The following TXNDC5 variants were observed in gnomAD, a reference collection of about 807,000 sequenced individuals.
TXNDC5 encodes thioredoxin domain-containing protein 5.
In TXNDC5, 44 loss-of-function variants were observed where a neutral mutation model predicts 52.6. That is an observed-to-expected ratio of 0.84 (90% CI 0.66 to 1.08). The LOEUF (loss-of-function observed/expected upper bound fraction) is 1.08, where lower values mean the gene tolerates loss of function less well. Among genes scored for constraint, TXNDC5 ranks in the 50% least tolerant of loss-of-function variants. The pLI is 0.00. For missense variants in TXNDC5, 600 were observed against 565.5 expected, an observed-to-expected ratio of 1.06 and a Z score of -0.62; for synonymous variants, 241 against 234.4, an observed-to-expected ratio of 1.03 and a Z score of -0.26.
chr6:7,907,912 C>T (rs1760788417), intron 1 of TXNDC5, among the ~76,000 whole-genome samples: 1 of 152,158 alleles, frequency 6.6e-6, no homozygotes, highest in African/African-American at 2.4e-5. Flanking sequence ...TCTGAAAGGG[C>T]CCTCTTAAAA....
chr6:7,898,803 C>T lies in TXNDC5; in HGVS notation c.519+773G>A, dbSNP rs558734712. Among the ~76,000 whole-genome samples the T allele has an allele frequency of 7.2e-5, 11 of 152,222 alleles. No individual in the cohort carries two copies. In the South Asian group the frequency reaches 1.5e-3, roughly 20 times the overall value. On this transcript the variant is annotated intron_variant, in intron 3 of 9. Transcript: ENST00000379757. ...TGATTTATAAAAAAGTGAAGACTTC[C>T]AACATCAACTGGGGAGGGGGAGGAT...
At position 7,885,963 on chromosome 6, in the gene TXNDC5, T is replaced by C. The variant is rs145422768; in HGVS notation, c.1044A>G (p.Pro348=). 38 of 1,614,040 alleles carry C rather than the reference T, an allele frequency of 2.4e-5. No individual in the cohort carries two copies. The African/African-American group carries it at 2.8e-4, about 12-fold the overall frequency. Residue 348 remains proline (P), a splice_region_variant and synonymous_variant, in exon 8 of 10, where the codon CCA becomes CCG. Transcript: ENST00000379757. ...EGITFIKFYA[P]WCGHCKTLAP... Reference sequence around the variant, plus strand: ...TTTCTAATTAAACAGCCACTTACCATGGAGCATAAAACTTGATGAAGGTTA... The same window carrying C: ...TTTCTAATTAAACAGCCACTTACCACGGAGCATAAAACTTGATGAAGGTTA...
intron 2 of TXNDC5, among the ~76,000 whole-genome samples, chr6:7,900,646 T>C (rs1760534663): frequency 1.3e-5 from 2 of 152,166 alleles, no homozygotes; most frequent in African/African-American, 4.8e-5. Context: ...AGACCACAGA[T>C]TGGGTGTCTT....
intron 4 of TXNDC5, chr6:7,894,812 C>T (rs1218169289): frequency 3.0e-5 from 30 of 985,280 alleles, no homozygotes; most frequent in Non-Finnish European, 3.5e-5. Flanking sequence ...AGCAATCAAG[C>T]GAGGTGAGTC....
In TXNDC5 at chr6:7,891,710, G is replaced by C. The variant is rs746378020; in HGVS notation, c.643C>G (p.Pro215Ala). The C allele has an allele frequency of 6.2e-7, 1 of 1,613,678 alleles. No individual in the cohort carries two copies. Among genetic ancestry groups the C allele is most frequent in the Non-Finnish European group, 8.5e-7 (1 of 1,179,834 alleles). Residue 215 changes from proline (P) to alanine (A), a missense_variant, in exon 5 of 10, where the codon CCG (proline) becomes GCG (alanine). Transcript: ENST00000379757. ...AGGGCTTTGCAGTGACCACACCACG[G>C]AGCGAAGAACTTGATAAAGTGGTCG... is the stretch of plus-strand genomic sequence containing the variant. ...QGDHFIKFFA[P>A]WCGHCKALAP...
At chr6:7,891,129 C>T (rs1188015142) in intron 5 of TXNDC5, among the ~76,000 whole-genome samples, 1 of 152,102 alleles carries the variant, frequency 6.6e-6, no homozygotes, top group African/African-American at 2.4e-5. Flanking sequence ...TCCAGTTACA[C>T]AGAAGTTGTC....
chr6:7,906,304 G>A (rs771637201), intron 1 of TXNDC5, among the ~76,000 whole-genome samples: 2 of 152,032 alleles, frequency 1.3e-5, no homozygotes, highest in Non-Finnish European at 2.9e-5. Flanking sequence ...TTGGGAAGCC[G>A]AAGCAAGCGG....
At chr6:7,894,830 A>G in intron 4 of TXNDC5, 1 of 985,436 alleles carries the variant, frequency 1.0e-6, no homozygotes, top group East Asian at 1.1e-4. Flanking sequence ...GTCTGTCAAT[A>G]AACACTCTTA....
At chr6:7,906,553 A>AC (rs1359705800) in intron 1 of TXNDC5, among the ~76,000 whole-genome samples, 37 of 148,886 alleles carry the variant, frequency 2.5e-4, no homozygotes, top group African/African-American at 8.7e-4. Context: ...AAAAAAAAAA[A>AC]AAAAGAAAAA....
At chr6:7,894,627 C>A in intron 4 of TXNDC5, 8 of 801,882 alleles carry the variant, frequency 1.0e-5, no homozygotes, top group Non-Finnish European at 1.2e-5. Flanking sequence ...AGCATTACTT[C>A]TTTAAAAACA....
chr6:7,884,542 C>CT (rs1444599583), intron 8 of TXNDC5, 54 bp from the exon 9 acceptor site: 53 of 1,609,602 alleles, frequency 3.3e-5, no homozygotes, highest in Non-Finnish European at 3.1e-5. Flanking sequence ...GATCATTCAC[C>CT]TACACTCTGC....
Position 7,910,760 on chromosome 6 carries a change from CCTGGGCGCGCGGGCATCGCGGCGGGG to C in TXNDC5, c.-10_16del, listed in dbSNP as rs1322841311. 5.0e-6 allele frequency: 5 copies of C among 998,726 alleles called. No individual in the cohort carries two copies. The highest frequency in any genetic ancestry group is 4.5e-5 in the South Asian group (1 of 22,422). The allele number at this position is 998,726 out of a possible 1,614,324, so 61.9% of individuals were successfully genotyped here. Reference sequence around the variant, plus strand: ...CCGGGCCAGCAGCGGGAGGAGGCGTCCTGGGCGCGCGGGCATCGCGGCGGGGCTGGGCGCGCTCTCGCCGCGGCCTC... The same window carrying C: ...CCGGGCCAGCAGCGGGAGGAGGCGTCCTGGGCGCGCTCTCGCCGCGGCCTC... On this transcript the variant is annotated start_lost and 5_prime_UTR_variant, in exon 1 of 10. Transcript: ENST00000379757.
rs1759817659 is a variant in TXNDC5 at position 7,882,941 on chromosome 6, CATTTACTTAG to C, written c.*193_*202del. The C allele has an allele frequency of 3.3e-6, 2 of 606,686 alleles. No homozygotes were observed. The highest frequency in any genetic ancestry group is 5.5e-6 in the Non-Finnish European group (2 of 363,970). 37.6% of individuals were successfully genotyped at this position (606,686 alleles called of 1,614,324 possible). ...GTTTACACAGTGACCATGAGTTACA[CATTTACTTAG>C]AGAAACTTAACTTAATAAAGAATCT... is the stretch of plus-strand genomic sequence containing the variant. On this transcript the variant is annotated 3_prime_UTR_variant, in exon 10 of 10. Transcript: ENST00000379757.
At chr6:7,909,699 G>C in intron 1 of TXNDC5, 1 of 886,020 alleles carries the variant, frequency 1.1e-6, no homozygotes, top group Non-Finnish European at 1.4e-6. Context: ...CAGGGGGGCG[G>C]AGGGGTTCCA....
intron 5 of TXNDC5, 75 bp downstream of exon 5, chr6:7,891,542 GGAAT>G: frequency 8.5e-7 from 1 of 1,179,318 alleles, no homozygotes; most frequent in Non-Finnish European, 1.2e-6. Flanking sequence ...CTTTGCACAC[GGAAT>G]GAATAATGGG....
intron 8 of TXNDC5, among the ~76,000 whole-genome samples, chr6:7,885,149 G>C (rs1759919930): frequency 6.6e-6 from 1 of 152,194 alleles, no homozygotes; most frequent in Non-Finnish European, 1.5e-5. Context: ...GTTCGTTCAA[G>C]TCCTGTGCTT....
intron 1 of TXNDC5, among the ~76,000 whole-genome samples, chr6:7,906,247 A>C (rs534498763): frequency 3.3e-5 from 5 of 151,836 alleles, no homozygotes; most frequent in Non-Finnish European, 7.4e-5. Flanking sequence ...TTAAGAAAAA[A>C]AGGATTTAAG....
intron 7 of TXNDC5, among the ~76,000 whole-genome samples, chr6:7,887,517 C>A (rs1405316983): frequency 6.6e-6 from 1 of 152,148 alleles, no homozygotes; most frequent in Non-Finnish European, 1.5e-5. Context: ...CGCTGCACAG[C>A]GGCTGGACTC....
chr6:7,908,663 T>C (rs1373976676), intron 1 of TXNDC5, among the ~76,000 whole-genome samples: 2 of 151,952 alleles, frequency 1.3e-5, no homozygotes, highest in Non-Finnish European at 2.9e-5. Flanking sequence ...TTCTACCAAC[T>C]ACAACAAAAA....
Sources: gnomAD v4.1 joint callset for allele counts (sites outside exome capture counted in the v4.1 genomes callset) on GRCh38, gnomAD v4.1.1 for gene constraint, MANE v1.5 for transcripts, NCBI Gene and HGNC (gene_info 2026-07-23, HGNC 2026-07-21) for gene names.